The following SYT1 variants were observed in gnomAD, a reference collection of about 807,000 sequenced individuals.
SYT1 encodes synaptotagmin 1.
A neutral mutation model predicts 44.8 loss-of-function variants in SYT1; 8 were observed. The ratio of observed to expected loss-of-function variants is 0.18; its 90% confidence interval spans 0.10 to 0.32. The LOEUF (loss-of-function observed/expected upper bound fraction) is 0.32, where lower values mean the gene tolerates loss of function less well. SYT1 is among the 10% of genes least tolerant of loss of function. The pLI, the probability that SYT1 is intolerant of heterozygous loss-of-function variation, is 1.00. For synonymous variants in SYT1, 154 were observed against 188.8 expected (o/e 0.82, Z 1.51); for missense variants, 286 against 509.3 (o/e 0.56, Z 4.22).
At chr12:79,159,888 T>C (rs548508218) in intron 3 of SYT1, among the ~76,000 whole-genome samples, 60 of 152,278 alleles carry the variant, frequency 3.9e-4, no homozygotes, top group African/African-American at 1.1e-3. Context: ...CATCTCAGAA[T>C]CTATGAAATA....
chr12:79,288,919 C>A (rs922465062), intron 5 of SYT1, among the ~76,000 whole-genome samples: 9 of 152,106 alleles, frequency 5.9e-5, no homozygotes, highest in Admixed American at 4.6e-4. Context: ...GGCTCCACAG[C>A]TGAGGGTATA....
At chr12:79,132,896 T>C (rs1010866444) in intron 3 of SYT1, among the ~76,000 whole-genome samples, 1 of 152,100 alleles carries the variant, frequency 6.6e-6, no homozygotes, top group Non-Finnish European at 1.5e-5. Context: ...ATATACACAA[T>C]GAAATACTAT....
intron 1 of SYT1, among the ~76,000 whole-genome samples, chr12:78,931,581 C>G (rs1877755854): frequency 6.6e-6 from 1 of 152,182 alleles, no homozygotes; most frequent in Non-Finnish European, 1.5e-5. Flanking sequence ...TTACTTAGAA[C>G]TGAGTGAACA....
intron 2 of SYT1, among the ~76,000 whole-genome samples, chr12:79,012,434 C>A (rs1565761810): frequency 6.6e-6 from 1 of 152,144 alleles, no homozygotes; most frequent in South Asian, 2.1e-4. Context: ...ATACATAGCA[C>A]AAACCATCTC....
At chr12:78,875,109 A>G (rs890612801) in intron 1 of SYT1, among the ~76,000 whole-genome samples, 1 of 151,674 alleles carries the variant, frequency 6.6e-6, no homozygotes, top group Non-Finnish European at 1.5e-5. Context: ...AGGAGTTTAT[A>G]AAGTTTTAAC....
At chr12:79,018,345 G>C (rs1170088664) in intron 2 of SYT1, among the ~76,000 whole-genome samples, 1 of 149,166 alleles carries the variant, frequency 6.7e-6, no homozygotes, top group African/African-American at 2.5e-5. Context: ...GGACGGTTGT[G>C]GGGTAGGGGA....
intron 9 of SYT1, among the ~76,000 whole-genome samples, chr12:79,413,196 C>G (rs1265848052): frequency 6.6e-6 from 1 of 152,176 alleles, no homozygotes; most frequent in African/African-American, 2.4e-5. Flanking sequence ...ATATTTTCCT[C>G]CTTTGAAGAA....
At chr12:78,962,486 G>T (rs1234261663) in intron 1 of SYT1, among the ~76,000 whole-genome samples, 1 of 151,938 alleles carries the variant, frequency 6.6e-6, no homozygotes, top group African/African-American at 2.4e-5. Context: ...CAATGTTTAT[G>T]ACCTAATTAC....
intron 9 of SYT1, among the ~76,000 whole-genome samples, chr12:79,379,075 A>G (rs922803240): frequency 8.5e-5 from 13 of 152,276 alleles, no homozygotes; most frequent in South Asian, 4.1e-4. Flanking sequence ...CTCCTGAGAA[A>G]AGAAATTCAT....
intron 3 of SYT1, among the ~76,000 whole-genome samples, chr12:79,126,958 G>GTCCTA (rs1489526124): frequency 7.9e-5 from 12 of 152,128 alleles, no homozygotes; most frequent in African/African-American, 2.9e-4. Context: ...ATTGACATTG[G>GTCCTA]TGAGAGACTC....
intron 3 of SYT1, among the ~76,000 whole-genome samples, chr12:79,057,682 C>T (rs995673410): frequency 1.3e-5 from 2 of 151,362 alleles, no homozygotes; most frequent in Non-Finnish European, 2.9e-5. Context: ...TTTTTAATAC[C>T]CTCTATGTCT....
At chr12:78,873,369 A>G (rs928802112) in intron 1 of SYT1, among the ~76,000 whole-genome samples, 3 of 151,768 alleles carry the variant, frequency 2.0e-5, no homozygotes, top group Admixed American at 1.3e-4. Context: ...TGAAAAAATA[A>G]GAAAGATTTG....
At chr12:78,889,118 G>T (rs1874905242) in intron 1 of SYT1, among the ~76,000 whole-genome samples, 1 of 151,588 alleles carries the variant, frequency 6.6e-6, no homozygotes, top group African/African-American at 2.4e-5. Context: ...TATAGTTAAT[G>T]CATTGACAAA....
intron 4 of SYT1, among the ~76,000 whole-genome samples, chr12:79,254,120 C>G (rs1877382927): frequency 6.6e-6 from 1 of 152,158 alleles, no homozygotes; most frequent in Non-Finnish European, 1.5e-5. Flanking sequence ...AATAAAGCAG[C>G]CTTGCATTGG....
At chr12:78,962,213 T>C (rs1331703093) in intron 1 of SYT1, among the ~76,000 whole-genome samples, 10 of 152,112 alleles carry the variant, frequency 6.6e-5, no homozygotes, top group African/African-American at 2.4e-4. Context: ...GGGTATATAA[T>C]GGAGCAAACA....
intron 4 of SYT1, among the ~76,000 whole-genome samples, chr12:79,219,933 G>A (rs567959944): frequency 6.6e-6 from 1 of 151,880 alleles, no homozygotes; most frequent in Non-Finnish European, 1.5e-5. Flanking sequence ...TTCTATCAGG[G>A]CTTTTCTGGC....
chr12:79,026,064 A>T (rs1049111295), intron 2 of SYT1, among the ~76,000 whole-genome samples: 3 of 151,670 alleles, frequency 2.0e-5, no homozygotes, highest in Admixed American at 2.0e-4. Context: ...TTAAAGCCTG[A>T]TTTGTTAATT....
chr12:79,195,123 A>G (rs1183976308), intron 3 of SYT1, among the ~76,000 whole-genome samples: 1 of 152,152 alleles, frequency 6.6e-6, no homozygotes, highest in African/African-American at 2.4e-5. Context: ...TGTATAATGA[A>G]ATCTGCTCTC....
intron 8 of SYT1, among the ~76,000 whole-genome samples, chr12:79,309,492 A>C (rs554447396): frequency 6.6e-6 from 1 of 152,222 alleles, no homozygotes; most frequent in East Asian, 1.9e-4. Context: ...TGGAAAACTT[A>C]TTAGAAATCT....
Sources: allele counts gnomAD v4.1 joint callset (sites outside exome capture counted in the v4.1 genomes callset), GRCh38; gene constraint gnomAD v4.1.1; transcripts MANE v1.5; gene names NCBI Gene and HGNC (gene_info 2026-07-23, HGNC 2026-07-21).